NRG3: variants seen among roughly 807,000 people sequenced by gnomAD.
NRG3 encodes pro-neuregulin-3, membrane-bound isoform.
A neutral mutation model predicts 66.9 loss-of-function variants in NRG3; 31 were observed. That is an observed-to-expected ratio of 0.46 (90% CI 0.35 to 0.63). The LOEUF (loss-of-function observed/expected upper bound fraction) is 0.63. Among genes scored for constraint, NRG3 ranks in the 20% least tolerant of loss-of-function variants. NRG3 has a pLI of 0.00. For missense variants in NRG3, 910 were observed against 878.9 expected (o/e 1.04, Z -0.45); for synonymous variants, 393 against 359.4 (o/e 1.09, Z -1.06).
chr10:81,977,712 G>T (rs1261377151), intron 1 of NRG3, among the ~76,000 whole-genome samples: 2 of 152,030 alleles, frequency 1.3e-5, no homozygotes, highest in Non-Finnish European at 2.9e-5. Flanking sequence ...GTTCGTTTCT[G>T]GTCCACAAAC....
At chr10:82,278,759 T>G (rs2078981259) in intron 1 of NRG3, among the ~76,000 whole-genome samples, 1 of 152,164 alleles carries the variant, frequency 6.6e-6, no homozygotes, top group Admixed American at 6.6e-5. Context: ...GGCTCTGTAT[T>G]CTATACATGG....
intron 1 of NRG3, among the ~76,000 whole-genome samples, chr10:81,920,844 A>G (rs1215219213): frequency 6.6e-6 from 1 of 152,156 alleles, no homozygotes; most frequent in Admixed American, 6.6e-5. Context: ...TACAATCTGA[A>G]CAGAAATTAA....
At chr10:82,319,652 G>A (rs1336850937) in intron 1 of NRG3, among the ~76,000 whole-genome samples, 4 of 152,102 alleles carry the variant, frequency 2.6e-5, no homozygotes, top group African/African-American at 9.7e-5. Context: ...CATAAGTTGG[G>A]GTTTGGCAAA....
chr10:82,350,130 T>C (rs1194341698), intron 1 of NRG3, among the ~76,000 whole-genome samples: 1 of 152,014 alleles, frequency 6.6e-6, no homozygotes, highest in African/African-American at 2.4e-5. Context: ...CATGAAAAAA[T>C]AAAAAAACCT....
chr10:82,590,905 G>A (rs2046946031), intron 2 of NRG3, among the ~76,000 whole-genome samples: 1 of 152,198 alleles, frequency 6.6e-6, no homozygotes, highest in African/African-American at 2.4e-5. Flanking sequence ...AACGCTGTCA[G>A]GCTTTAGTTC....
intron 1 of NRG3, among the ~76,000 whole-genome samples, chr10:82,029,236 C>CT (rs1226882716): frequency 2.6e-5 from 4 of 152,014 alleles, no homozygotes; most frequent in African/African-American, 9.6e-5. Flanking sequence ...CAAATAAACT[C>CT]TGATACCCAT....
intron 1 of NRG3, among the ~76,000 whole-genome samples, chr10:81,929,963 A>G (rs1847181127): frequency 6.6e-6 from 1 of 152,198 alleles, no homozygotes; most frequent in Admixed American, 6.5e-5. Flanking sequence ...GTTTTTCCAG[A>G]TTAGCCCAAC....
At chr10:82,753,261 C>A (rs1451955377) in intron 3 of NRG3, among the ~76,000 whole-genome samples, 2 of 152,016 alleles carry the variant, frequency 1.3e-5, no homozygotes, top group South Asian at 2.1e-4. Context: ...ATGAAAACAT[C>A]TTTTTATATT....
At chr10:82,553,274 A>AT (rs34274121) in intron 2 of NRG3, among the ~76,000 whole-genome samples, 3,399 of 149,664 alleles carry the variant, frequency 0.023, 129 homozygotes, top group African/African-American at 0.078. Flanking sequence ...CAGCTTCAGC[A>AT]TTTTTTTTTT....
At chr10:82,141,566 A>T (rs973686765) in intron 1 of NRG3, among the ~76,000 whole-genome samples, 5 of 152,146 alleles carry the variant, frequency 3.3e-5, no homozygotes, top group African/African-American at 1.2e-4. Flanking sequence ...TGGTGAATTG[A>T]TGGACTATTA....
At chr10:82,687,055 C>G (rs2054571300) in intron 2 of NRG3, among the ~76,000 whole-genome samples, 1 of 152,202 alleles carries the variant, frequency 6.6e-6, no homozygotes, top group African/African-American at 2.4e-5. Context: ...GACCAGCTTT[C>G]TATCTCAGTA....
intron 1 of NRG3, among the ~76,000 whole-genome samples, chr10:81,974,180 C>T (rs2060031999): frequency 6.6e-6 from 1 of 152,088 alleles, no homozygotes; most frequent in Non-Finnish European, 1.5e-5. Flanking sequence ...TTCCCCATTG[C>T]TTGTTTTTGT....
At chr10:82,776,530 A>G (rs957190910) in intron 3 of NRG3, among the ~76,000 whole-genome samples, 2 of 152,048 alleles carry the variant, frequency 1.3e-5, no homozygotes, top group African/African-American at 4.8e-5. Context: ...GCCTTTTTCC[A>G]TCTCTTTACC....
At chr10:82,933,683 T>C (rs1406743582) in intron 4 of NRG3, among the ~76,000 whole-genome samples, 1 of 152,188 alleles carries the variant, frequency 6.6e-6, no homozygotes, top group Non-Finnish European at 1.5e-5. Flanking sequence ...TACATTTTAA[T>C]TCTATTAGTG....
chr10:82,305,285 G>A (rs1474512410), intron 1 of NRG3, among the ~76,000 whole-genome samples: 5 of 151,986 alleles, frequency 3.3e-5, no homozygotes, highest in East Asian at 1.9e-4. Flanking sequence ...TTGAGCTACC[G>A]CGCCCGGCCC....
intron 2 of NRG3, among the ~76,000 whole-genome samples, chr10:82,584,246 C>T (rs1479999359): frequency 2.0e-5 from 3 of 152,024 alleles, no homozygotes; most frequent in African/African-American, 7.2e-5. Flanking sequence ...GCTGCCACAC[C>T]CCACCAATTT....
intron 2 of NRG3, among the ~76,000 whole-genome samples, chr10:82,677,984 A>C (rs2053838768): frequency 6.6e-6 from 1 of 152,162 alleles, no homozygotes; most frequent in Non-Finnish European, 1.5e-5. Context: ...TGTTTACTGA[A>C]GTTGTACACA....
chr10:82,391,787 A>C (rs1487188990), intron 2 of NRG3, among the ~76,000 whole-genome samples: 2 of 152,100 alleles, frequency 1.3e-5, no homozygotes. Context: ...TTCAGTCTCT[A>C]TACTACAGCA....
At chr10:82,356,434 C>T (rs543754127) in intron 1 of NRG3, among the ~76,000 whole-genome samples, 58 of 152,188 alleles carry the variant, frequency 3.8e-4, no homozygotes, top group Non-Finnish European at 7.8e-4. Flanking sequence ...AACTGTGCAC[C>T]GTTTCATATT....
Sources: allele counts gnomAD v4.1 joint callset (sites outside exome capture counted in the v4.1 genomes callset), GRCh38; gene constraint gnomAD v4.1.1; transcripts MANE v1.5; gene names NCBI Gene and HGNC (gene_info 2026-07-23, HGNC 2026-07-21).